OR7G2: variants seen among roughly 807,000 people sequenced by gnomAD.
OR7G2 encodes the protein olfactory receptor 7G2.
For missense variants in OR7G2, 362 were observed against 384.0 expected, an observed-to-expected ratio of 0.94 and a Z score of 0.48; for synonymous variants, 153 against 152.2, an observed-to-expected ratio of 1.01 and a Z score of -0.04.
At chr19:9,106,120 T>C (rs957030840) in intron 1 of OR7G2, among the ~76,000 whole-genome samples, 1 of 152,012 alleles carries the variant, frequency 6.6e-6, no homozygotes, top group Non-Finnish European at 1.5e-5. Flanking sequence ...CAGTCAACGA[T>C]ATAAGATTCA....
Position 9,101,519 on chromosome 19 carries a change from A to C in OR7G2, c.*750T>G, listed in dbSNP as rs567262296. 1 of 151,562 alleles carries C rather than the reference A, an allele frequency of 6.6e-6. No individual in the cohort carries two copies. The highest frequency in any genetic ancestry group is 1.5e-5 in the Non-Finnish European group (1 of 67,900). 9.4% of individuals were successfully genotyped at this position (151,562 alleles called of 1,614,324 possible). ...ATCACAAGGTCAGGAGATCGAGACC[A>C]CCCTGGCCAGCATGATGAAACCTCA... On this transcript the variant is annotated 3_prime_UTR_variant, in exon 2 of 2. Transcript: ENST00000641081.
intron 1 of OR7G2, 149 bp from the exon 2 acceptor site, chr19:9,103,408 CT>C (rs1284281569): frequency 1.2e-5 from 8 of 672,226 alleles, no homozygotes; most frequent in African/African-American, 7.3e-5. Flanking sequence ...TTTCACAAGC[CT>C]TGTAGATGTT....
At position 9,102,729 on chromosome 19, in the gene OR7G2, A is replaced by C; in HGVS notation, c.515T>G (p.Leu172Arg). The change falls in exon 2 of 2, where the codon CTG becomes CGG. Residue 172 changes from leucine to arginine, a missense_variant. Physicochemically the swap from Leu to Arg is moderately radical, Grantham distance 102. Transcript: ENST00000641081. ...MVLRLSFCTD[L>R]EIPLFFCELA... ...TTCACAGAAGAAGAGCGGGATTTCCAGGTCTGTGCAGAAGGACAGCCTCAA... is the reference window on the plus strand; with the variant it reads ...TTCACAGAAGAAGAGCGGGATTTCCCGGTCTGTGCAGAAGGACAGCCTCAA... The C allele has an allele frequency of 6.2e-7, 1 of 1,614,172 alleles. No homozygotes were observed. The highest frequency in any genetic ancestry group is 8.5e-7 in the Non-Finnish European group (1 of 1,180,010).
At chr19:9,107,060 A>G (rs1234505466) in intron 1 of OR7G2, among the ~76,000 whole-genome samples, 2 of 152,056 alleles carry the variant, frequency 1.3e-5, no homozygotes, top group South Asian at 2.1e-4. Context: ...AAAAATTTGC[A>G]AAGTGTAATG....
Position 9,103,144 on chromosome 19 carries a change from T to C in OR7G2, c.100A>G (p.Met34Val). 2 of 1,614,116 alleles carry C rather than the reference T, an allele frequency of 1.2e-6. No homozygotes were observed. Among genetic ancestry groups the C allele is most frequent in the African/African-American group, 1.3e-5 (1 of 75,040 alleles). ...TTCCCCAGGATGGTGACCAAGTACA[T>C]GGACAGGAACAGGCTGAAAAGGACG... ...QPVLFSLFLSMYLVTILGNLL... is the reference protein window; with the variant it reads ...QPVLFSLFLSVYLVTILGNLL... Residue 34 changes from methionine (M) to valine (V), a missense_variant, in exon 2 of 2, where the codon ATG becomes GTG. Met to Val is a conservative substitution (Grantham distance 21, BLOSUM62 1). Transcript: ENST00000641081.
chr19:9,105,969 T>G (rs1234638282), intron 1 of OR7G2, among the ~76,000 whole-genome samples: 1 of 151,780 alleles, frequency 6.6e-6, no homozygotes, highest in Admixed American at 6.6e-5. Flanking sequence ...GGAAGAAAAT[T>G]TTTGTATGAT....
At chr19:9,105,558 C>A (rs1439494654) in intron 1 of OR7G2, among the ~76,000 whole-genome samples, 1 of 152,076 alleles carries the variant, frequency 6.6e-6, no homozygotes, top group Non-Finnish European at 1.5e-5. Context: ...ATGTTAAAAA[C>A]CCTCAACAGG....
intron 1 of OR7G2, among the ~76,000 whole-genome samples, chr19:9,105,859 A>AAAATTCACACAATTCACCATCCTT (rs2050382818): frequency 6.6e-6 from 1 of 150,518 alleles, no homozygotes; most frequent in Non-Finnish European, 1.5e-5. Context: ...AAAAAAAAAA[A>AAAATTCACACAATTCACCATCCTT]GTTTAGCTTG....
In OR7G2 at chr19:9,103,413, A is replaced by G. The variant is rs573493858; in HGVS notation, c.-16-154T>C. 92 of 659,764 alleles carry G rather than the reference A, an allele frequency of 1.4e-4. No individual in the cohort carries two copies. In the African/African-American group the frequency reaches 1.5e-3, roughly 11 times the overall value. 40.9% of individuals were successfully genotyped at this position (659,764 alleles called of 1,614,324 possible). ...CAGTTTATTCTTTCACAAGCCTTGT[A>G]GATGTTTTTGATAGATGCTGAATTT... On this transcript the variant is annotated intron_variant, in intron 1 of 1. Transcript: ENST00000641081.
Position 9,102,581 on chromosome 19 carries a change from G to A in OR7G2, c.663C>T (p.Ile221=). 8 of 1,614,160 alleles carry A rather than the reference G, an allele frequency of 5.0e-6. No homozygotes were observed. The highest frequency in any genetic ancestry group is 6.8e-6 in the Non-Finnish European group (8 of 1,180,022). The part of the protein sequence containing the change: ...LSGIILSYTQ[I]TSCVLRMPSA... ...ATGGCATTCTCAAAACACAGGAGGT[G>A]ATCTGAGTGTAAGACAAAATGATTC... is the stretch of plus-strand genomic sequence containing the variant. Residue 221 remains isoleucine (I), a synonymous_variant, in exon 2 of 2, where the codon ATC becomes ATT. Coordinates refer to ENST00000641081, the MANE Select transcript of OR7G2 (RefSeq NM_001005193.2).
Position 9,103,334 on chromosome 19 carries a change from A to G in OR7G2, c.-16-75T>C, listed in dbSNP as rs1400418836. 2.0e-6 allele frequency: 3 copies of G among 1,500,714 alleles called. No homozygotes were observed. In the South Asian group the frequency reaches 3.5e-5, roughly 18 times the overall value. 93.0% of individuals were successfully genotyped at this position (1,500,714 alleles called of 1,614,324 possible). A position where few individuals can be genotyped will look rare whatever the true frequency, so the allele number is the denominator to read the frequency against. On this transcript the variant is annotated intron_variant, in intron 1 of 1. Coordinates refer to ENST00000641081, the MANE Select transcript of OR7G2 (RefSeq NM_001005193.2). ...CTCGAGAACATGACAGAAACGCAAA[A>G]TCTTGCTCCCCTCCCCAGACTTCTT... is the stretch of plus-strand genomic sequence containing the variant.
intron 1 of OR7G2, among the ~76,000 whole-genome samples, chr19:9,103,707 C>T (rs963404536): frequency 9.6e-5 from 14 of 146,074 alleles, no homozygotes; most frequent in African/African-American, 2.8e-4. Context: ...TTAGTAGAGA[C>T]GGCGGGGGTG....
rs374980377 is a variant in OR7G2 at position 9,104,837 on chromosome 19, C to CAA, written c.-16-1580_-16-1579dup. ...GCGAGACTCCATCTCAAAAAACAAA[C>CAA]AAACAAATTTTTAAATTCTCTAGTG... On this transcript the variant is annotated intron_variant, in intron 1 of 1. Coordinates refer to ENST00000641081, the MANE Select transcript of OR7G2 (RefSeq NM_001005193.2). 2.0e-3 allele frequency among the ~76,000 whole-genome samples: 299 copies of CAA among 152,030 alleles called. 2 individuals are homozygous for CAA. Among genetic ancestry groups the CAA allele is most frequent in the African/African-American group, 6.8e-3 (283 of 41,496 alleles).
Position 9,102,922 on chromosome 19 carries a change from CA to C in OR7G2, c.321del (p.Phe107LeufsTer30). ...CLTQICFVLFFAGLENCLLAA... is the reference protein window; with the variant it reads ...CLTQICFVLFXAGLENCLLAA... ...GCAAGGAGACAATTTTCCAAGCCAGCAAAAAACAAGACAAAGCAGATCTGGG... is the reference window on the plus strand; with the variant it reads ...GCAAGGAGACAATTTTCCAAGCCAGCAAAAACAAGACAAAGCAGATCTGGG... On this transcript the variant is annotated frameshift_variant, in exon 2 of 2. Transcript: ENST00000641081. LOFTEE classifies it low-confidence loss of function (END_TRUNC). 6.2e-7 allele frequency: 1 copy of C among 1,614,066 alleles called. No individual in the cohort carries two copies.
At chr19:9,107,038 CA>C (rs5827048) in intron 1 of OR7G2, among the ~76,000 whole-genome samples, 4 of 151,318 alleles carry the variant, frequency 2.6e-5, no homozygotes, top group African/African-American at 9.7e-5. Flanking sequence ...CCTGTGTCTA[CA>C]AAAAAAATTT....
intron 1 of OR7G2, among the ~76,000 whole-genome samples, chr19:9,106,424 CA>C (rs34261571): frequency 0.36 from 42,875 of 119,202 alleles, 6,744 homozygotes; most frequent in East Asian, 0.6. Flanking sequence ...GACTGTGTCT[CA>C]AAAAAAAAAA....
At chr19:9,104,789 T>C (rs867710650) in intron 1 of OR7G2, among the ~76,000 whole-genome samples, 14 of 151,470 alleles carry the variant, frequency 9.2e-5, no homozygotes, top group Admixed American at 2.6e-4. Context: ...ATCGCGCCAC[T>C]GCACTCCAGC....
At chr19:9,107,115 G>T (rs1366162176) in intron 1 of OR7G2, among the ~76,000 whole-genome samples, 199 bp downstream of exon 1, 1 of 152,084 alleles carries the variant, frequency 6.6e-6, no homozygotes, top group African/African-American at 2.4e-5. Context: ...GAGGCTGAAG[G>T]ATTGGTTGAT....
intron 1 of OR7G2, among the ~76,000 whole-genome samples, chr19:9,106,855 C>T (rs1016202518): frequency 2.0e-5 from 3 of 151,358 alleles, no homozygotes; most frequent in Non-Finnish European, 2.9e-5. Flanking sequence ...CTATACCTTT[C>T]ATTATATTTG....
Sources: gnomAD v4.1 joint callset for allele counts (sites outside exome capture counted in the v4.1 genomes callset) on GRCh38, gnomAD v4.1.1 for gene constraint, MANE v1.5 for transcripts, NCBI Gene and HGNC (gene_info 2026-07-23, HGNC 2026-07-21) for gene names.